Variants in CFAP46 observed in about 807,000 individuals in gnomAD.
CFAP46 encodes the protein cilia and flagella associated protein 46.
In CFAP46, 245 loss-of-function variants were observed where a neutral mutation model predicts 325.7. That is an observed-to-expected ratio of 0.75 (90% confidence interval 0.68 to 0.84). The LOEUF is 0.84. Ranked by LOEUF, CFAP46 falls within the 40% of genes least tolerant of loss-of-function variation. The pLI is 0.00. For missense variants in CFAP46, 3,346 were observed against 3,543.0 expected (o/e 0.94, Z 1.41); for synonymous variants, 1,523 against 1,495.9 (o/e 1.02, Z -0.42).
intron 24 of CFAP46, among the ~76,000 whole-genome samples, chr10:132,894,888 G>A (rs1471308307): frequency 1.3e-5 from 2 of 152,086 alleles, no homozygotes; most frequent in African/African-American, 4.8e-5. Flanking sequence ...ATTTAAAGAA[G>A]CATTAGCAAC....
At chr10:132,821,925 TGCGC>T (rs1847847791) in intron 50 of CFAP46, among the ~76,000 whole-genome samples, 1 of 140,196 alleles carries the variant, frequency 7.1e-6, no homozygotes, top group Non-Finnish European at 1.5e-5. Context: ...GTGCTGTGTG[TGCGC>T]TGATGTGTGC....
At chr10:132,850,694 T>C (rs1336184270) in intron 40 of CFAP46, among the ~76,000 whole-genome samples, 3 of 152,228 alleles carry the variant, frequency 2.0e-5, no homozygotes, top group Non-Finnish European at 4.4e-5. Context: ...GTAAATTAAT[T>C]TGAGTCATGT....
intron 9 of CFAP46, among the ~76,000 whole-genome samples, chr10:132,927,820 G>A (rs902364858): frequency 6.6e-6 from 1 of 152,258 alleles, no homozygotes; most frequent in African/African-American, 2.4e-5. Context: ...TAACATTAGT[G>A]AGCTTTTAAT....
In CFAP46 at chr10:132,859,209, G is replaced by T. The variant is rs774564135; in HGVS notation, c.5237C>A (p.Ala1746Glu). ...SLRVRVAQHS[A>E]VTEPTECSLL... ...CGAGCACTCTGTGGGTTCAGTGACC[G>T]CTGAGTGCTGCGCAACTCTGACCCG... Residue 1746 changes from alanine (A) to glutamate (E), a missense_variant, in exon 38 of 58, where the codon GCG becomes GAG. By Grantham distance (107) the Ala-to-Glu change is moderately radical (BLOSUM62 -1). Coordinates refer to ENST00000368586, the MANE Select transcript of CFAP46 (RefSeq NM_001200049.3). The T allele has an allele frequency of 5.9e-5, 91 of 1,549,872 alleles. 1 individual carries two copies. The South Asian group carries it at 1.0e-3, about 17-fold the overall frequency.
intron 38 of CFAP46, among the ~76,000 whole-genome samples, chr10:132,858,554 G>A (rs555915819): frequency 6.6e-6 from 1 of 152,166 alleles, no homozygotes; most frequent in East Asian, 1.9e-4. Flanking sequence ...GGCTGTGCTG[G>A]CCCTGCCCTC....
chr10:132,846,392 C>T (rs931131231), intron 43 of CFAP46, among the ~76,000 whole-genome samples, 165 bp from the exon 44 acceptor site: 10 of 152,294 alleles, frequency 6.6e-5, no homozygotes, highest in East Asian at 5.8e-4. Context: ...TGCAGAGTCG[C>T]GTGGGGCCAC....
chr10:132,812,150 C>T (rs1003369775), intron 55 of CFAP46, among the ~76,000 whole-genome samples: 1 of 152,204 alleles, frequency 6.6e-6, no homozygotes, highest in East Asian at 1.9e-4. Flanking sequence ...CGAGTGGCTG[C>T]GCCTGCTGTC....
chr10:132,836,586 C>CCTGT (rs2135022325), intron 45 of CFAP46, among the ~76,000 whole-genome samples: 1 of 152,354 alleles, frequency 6.6e-6, no homozygotes, highest in African/African-American at 2.4e-5. Flanking sequence ...ACACAAAGAC[C>CCTGT]CTGTACTGGA....
intron 44 of CFAP46, among the ~76,000 whole-genome samples, chr10:132,837,768 C>G (rs554920211): frequency 6.7e-6 from 1 of 148,700 alleles, no homozygotes; most frequent in African/African-American, 2.5e-5. Flanking sequence ...CACACGCACA[C>G]GTACACAGAT....
At chr10:132,910,123 A>G in intron 19 of CFAP46, 55 bp from the exon 20 acceptor site, 1 of 1,337,580 alleles carries the variant, frequency 7.5e-7, no homozygotes, top group Non-Finnish European at 9.6e-7. Flanking sequence ...GGGGACCTTG[A>G]GCCAAGATCC....
intron 23 of CFAP46, 78 bp downstream of exon 23, chr10:132,899,457 C>T (rs1340450406): frequency 6.8e-7 from 1 of 1,460,024 alleles, no homozygotes; most frequent in Admixed American, 2.6e-5. Flanking sequence ...ACAGGATGGG[C>T]CACAGCCTTG....
At chr10:132,861,158 C>T (rs567110605) in intron 35 of CFAP46, among the ~76,000 whole-genome samples, 176 bp from the exon 36 acceptor site, 5 of 152,308 alleles carry the variant, frequency 3.3e-5, no homozygotes, top group Admixed American at 6.5e-5. Context: ...GGCCCATGGC[C>T]GCCCTCGCAC....
intron 40 of CFAP46, 132 bp from the exon 41 acceptor site, chr10:132,850,564 C>G (rs979365843): frequency 2.2e-6 from 2 of 890,214 alleles, no homozygotes; most frequent in Non-Finnish European, 3.3e-6. Flanking sequence ...AAAGCCTTGC[C>G]CCGCAGGGAG....
intron 44 of CFAP46, among the ~76,000 whole-genome samples, chr10:132,837,937 G>A (rs868354482): frequency 1.3e-5 from 2 of 149,324 alleles, no homozygotes; most frequent in East Asian, 3.9e-4. Context: ...AGACATGCAC[G>A]GACACAGACA....
intron 44 of CFAP46, among the ~76,000 whole-genome samples, chr10:132,839,467 G>A (rs554154797): frequency 1.2e-4 from 19 of 152,284 alleles, no homozygotes; most frequent in Admixed American, 7.2e-4. Flanking sequence ...CCACACACAC[G>A]GAACAGCACC....
intron 45 of CFAP46, 138 bp from the exon 46 acceptor site, chr10:132,836,356 T>C: frequency 1.3e-6 from 1 of 755,222 alleles, no homozygotes; most frequent in Non-Finnish European, 2.2e-6. Flanking sequence ...CCTCCCCGTG[T>C]GCGCCTCCAG....
chr10:132,912,608 T>TTTCACCTCTCCTCTC lies in CFAP46; in HGVS notation c.2499+46_2499+47insGAGAGGAGAGGTGAA, dbSNP rs1564798476. 4.7e-4 allele frequency: 176 copies of TTTCACCTCTCCTCTC among 376,512 alleles called. 2 individuals carry two copies. The highest frequency in any genetic ancestry group is 1.4e-3 in the South Asian group (35 of 24,304). 23.3% of individuals were successfully genotyped at this position (376,512 alleles called of 1,614,324 possible). A position where few individuals can be genotyped will look rare whatever the true frequency, so the allele number is the denominator to read the frequency against. ...TCCTCTCTCTCTCTCCTCTCTCCTC[T>TTTCACCTCTCCTCTC]CTCTCTCTCTCTCTCTCTCTCTCTC... On this transcript the variant is annotated intron_variant, in intron 19 of 57. Transcript: ENST00000368586.
At chr10:132,855,362 T>C (rs888451150) in intron 39 of CFAP46, among the ~76,000 whole-genome samples, 2 of 152,252 alleles carry the variant, frequency 1.3e-5, no homozygotes, top group African/African-American at 4.8e-5. Context: ...TTTTCATTAG[T>C]GTTAGCATGG....
At chr10:132,839,027 C>A (rs1210533607) in intron 44 of CFAP46, among the ~76,000 whole-genome samples, 1 of 152,244 alleles carries the variant, frequency 6.6e-6, no homozygotes, top group African/African-American at 2.4e-5. Flanking sequence ...TTGTGAGATT[C>A]CAACCTCGTG....
Sources: gnomAD v4.1 joint callset for allele counts (sites outside exome capture counted in the v4.1 genomes callset) on GRCh38, gnomAD v4.1.1 for gene constraint, MANE v1.5 for transcripts, NCBI Gene and HGNC (gene_info 2026-07-23, HGNC 2026-07-21) for gene names.